Variants in RAD51B observed in about 807,000 individuals in gnomAD.
RAD51B encodes the protein DNA repair protein RAD51 homolog 2.
Under a neutral mutation model 42.2 loss-of-function variants are expected in RAD51B, and 38 were observed. The observed-to-expected ratio is 0.90, with a 90% CI of 0.70 to 1.18. RAD51B has a LOEUF of 1.18. Ranked by LOEUF, RAD51B falls within the 50% of genes most tolerant of loss-of-function variation. The probability of loss-of-function intolerance (pLI) is 0.00; values close to 1 mark genes in which losing one functional copy is unlikely to be tolerated. For missense variants in RAD51B, 373 were observed against 400.7 expected (o/e 0.93, Z 0.59); for synonymous variants, 154 against 145.2 (o/e 1.06, Z -0.43).
chr14:68,339,719 T>G (rs1053690654), intron 8 of RAD51B, among the ~76,000 whole-genome samples: 3 of 152,218 alleles, frequency 2.0e-5, no homozygotes, highest in East Asian at 1.9e-4. Context: ...GAATGTACTG[T>G]TCTCTCTCTA....
At chr14:68,348,380 T>C (rs910558292) in intron 8 of RAD51B, among the ~76,000 whole-genome samples, 7 of 152,176 alleles carry the variant, frequency 4.6e-5, no homozygotes, top group African/African-American at 1.2e-4. Context: ...ACTGGAGTCA[T>C]ACGATATTTT....
chr14:68,530,503 G>GAAAAAAAAAA (rs1196852994), intron 10 of RAD51B, among the ~76,000 whole-genome samples: 1 of 141,134 alleles, frequency 7.1e-6, no homozygotes, highest in South Asian at 2.3e-4. Flanking sequence ...AGTTACCAGG[G>GAAAAAAAAAA]AGAAAAGAGA....
At chr14:68,267,402 T>C (rs2081013839) in intron 7 of RAD51B, among the ~76,000 whole-genome samples, 1 of 152,224 alleles carries the variant, frequency 6.6e-6, no homozygotes, top group South Asian at 2.1e-4. Flanking sequence ...TTTAATGTCA[T>C]TTCATTTAAC....
At chr14:67,952,279 T>C (rs2140209728) in intron 7 of RAD51B, among the ~76,000 whole-genome samples, 2 of 152,132 alleles carry the variant, frequency 1.3e-5, no homozygotes, top group South Asian at 4.1e-4. Flanking sequence ...TAATAAGCTA[T>C]TTTGAAGTGT....
chr14:68,454,147 G>A (rs574502099), intron 9 of RAD51B, among the ~76,000 whole-genome samples: 3 of 152,310 alleles, frequency 2.0e-5, no homozygotes, highest in South Asian at 4.1e-4. Flanking sequence ...TAAACATTAA[G>A]TTGATTAAAA....
At chr14:68,235,257 T>C (rs896056275) in intron 7 of RAD51B, among the ~76,000 whole-genome samples, 3 of 151,924 alleles carry the variant, frequency 2.0e-5, no homozygotes, top group Admixed American at 6.6e-5. Flanking sequence ...ACAGCTACAG[T>C]GTCACTACAT....
At chr14:68,453,836 A>G (rs1311773056) in intron 9 of RAD51B, among the ~76,000 whole-genome samples, 1 of 152,230 alleles carries the variant, frequency 6.6e-6, no homozygotes, top group Non-Finnish European at 1.5e-5. Flanking sequence ...TAGTAAAAAA[A>G]TATTTTATGT....
At chr14:67,825,672 G>A (rs2040807101) in intron 3 of RAD51B, 95 bp downstream of exon 3, 1 of 844,316 alleles carries the variant, frequency 1.2e-6, no homozygotes, top group Non-Finnish European at 1.7e-6. Context: ...AAATAGAGAT[G>A]AGTACCTCAA....
chr14:68,440,751 A>G (rs1018668092), intron 9 of RAD51B, among the ~76,000 whole-genome samples: 2 of 152,038 alleles, frequency 1.3e-5, no homozygotes, highest in African/African-American at 4.8e-5. Flanking sequence ...CATCTCAAAA[A>G]AAAAAGAAAG....
At chr14:67,848,659 C>T (rs776093885) in intron 4 of RAD51B, among the ~76,000 whole-genome samples, 11 of 151,938 alleles carry the variant, frequency 7.2e-5, no homozygotes, top group Admixed American at 3.9e-4. Context: ...GACTTGATTG[C>T]GTAGTTACTT....
intron 7 of RAD51B, among the ~76,000 whole-genome samples, chr14:68,060,553 A>G (rs2140439148): frequency 6.6e-6 from 1 of 152,320 alleles, no homozygotes; most frequent in East Asian, 1.9e-4. Flanking sequence ...CTTACAGTTG[A>G]TCTTGGCTCC....
In RAD51B at chr14:67,948,756, C is replaced by G. The variant is rs564691302; in HGVS notation, c.756+61552C>G. On this transcript the variant is annotated intron_variant, in intron 7 of 10. Transcript: ENST00000471583. ...ACCATCCTGGCTAACATGGTGAAAC[C>G]CCGTTTCTACTAAAAATACAAAAAA... Among the ~76,000 whole-genome samples the G allele has an allele frequency of 2.6e-5, 4 of 151,444 alleles. No homozygotes were observed. In the South Asian group the frequency reaches 8.4e-4, roughly 32 times the overall value.
intron 10 of RAD51B, among the ~76,000 whole-genome samples, chr14:68,555,477 C>A (rs1290085730): frequency 1.3e-5 from 2 of 152,052 alleles, no homozygotes; most frequent in African/African-American, 4.8e-5. Flanking sequence ...ATGATTCCAC[C>A]CAGCTATGAA....
intron 7 of RAD51B, among the ~76,000 whole-genome samples, chr14:67,890,779 G>A (rs2140064579): frequency 6.6e-6 from 1 of 152,108 alleles, no homozygotes; most frequent in Admixed American, 6.5e-5. Flanking sequence ...CCATATGTAT[G>A]TCATATTTAC....
chr14:68,334,103 G>A lies in RAD51B; in HGVS notation c.853+42123G>A, dbSNP rs556974774. Among the ~76,000 whole-genome samples the A allele has an allele frequency of 2.0e-5, 3 of 152,128 alleles. No individual in the cohort carries two copies. In the South Asian group the frequency reaches 6.2e-4, roughly 32 times the overall value. On this transcript the variant is annotated intron_variant, in intron 8 of 10. Transcript: ENST00000471583. ...GTTCATCTATATTGTCACAAATGGTGGAATCTCATTCTTTTTTATGGCTGA... is the reference window on the plus strand; with the variant it reads ...GTTCATCTATATTGTCACAAATGGTAGAATCTCATTCTTTTTTATGGCTGA...
At chr14:68,034,590 A>G (rs985166953) in intron 7 of RAD51B, among the ~76,000 whole-genome samples, 4 of 152,184 alleles carry the variant, frequency 2.6e-5, no homozygotes, top group Non-Finnish European at 5.9e-5. Context: ...TTAAGCCTAC[A>G]ATAAGAATGT....
In RAD51B at chr14:67,895,398, C is replaced by T. The variant is rs115791297; in HGVS notation, c.756+8194C>T. Among the ~76,000 whole-genome samples the T allele has an allele frequency of 2.2e-3, 336 of 152,222 alleles. 1 individual carries two copies. The highest frequency in any genetic ancestry group is 7.5e-3 in the African/African-American group (313 of 41,536). The stretch of plus-strand genomic sequence containing the variant: ...TGGATAATTGAATAATATCACTTGC[C>T]GCTTCCATCCTGGGTTGTTATTGTA... On this transcript the variant is annotated intron_variant, in intron 7 of 10. Transcript: ENST00000471583.
At chr14:68,578,152 GCGGTGGC>G (rs1890047521) in intron 10 of RAD51B, among the ~76,000 whole-genome samples, 1 of 152,238 alleles carries the variant, frequency 6.6e-6, no homozygotes, top group African/African-American at 2.4e-5. Flanking sequence ...ATGGCTGGGC[GCGGTGGC>G]TCATGCCTGT....
At chr14:68,570,712 C>A (rs1889652743) in intron 10 of RAD51B, among the ~76,000 whole-genome samples, 1 of 152,218 alleles carries the variant, frequency 6.6e-6, no homozygotes, top group Non-Finnish European at 1.5e-5. Context: ...TGGGGGTTAA[C>A]AGGGTAAATA....
Sources: allele counts gnomAD v4.1 joint callset (sites outside exome capture counted in the v4.1 genomes callset), GRCh38; gene constraint gnomAD v4.1.1; transcripts MANE v1.5; gene names NCBI Gene and HGNC (gene_info 2026-07-23, HGNC 2026-07-21).